The following PAX3 variants were observed in gnomAD, a reference collection of about 807,000 sequenced individuals.
PAX3 encodes the protein paired box 3.
A neutral mutation model predicts 51.6 loss-of-function variants in PAX3; 14 were observed. The observed-to-expected ratio is 0.27, with a 90% CI of 0.18 to 0.42. The LOEUF (loss-of-function observed/expected upper bound fraction) is 0.42, where lower values mean the gene tolerates loss of function less well. Among genes scored for constraint, PAX3 ranks in the 10% least tolerant of loss-of-function variants. The pLI is 1.00. For missense variants in PAX3, 540 were observed against 642.8 expected, an observed-to-expected ratio of 0.84 and a Z score of 1.73; for synonymous variants, 280 against 253.4, an observed-to-expected ratio of 1.11 and a Z score of -1.00.
intron 4 of PAX3, among the ~76,000 whole-genome samples, chr2:222,267,298 G>C (rs1468622492): frequency 6.6e-6 from 1 of 152,134 alleles, no homozygotes; most frequent in Non-Finnish European, 1.5e-5. Context: ...CAATTAAAAA[G>C]TACTCCATAT....
In PAX3 at chr2:222,212,026, G is replaced by A. The variant is rs564062871; in HGVS notation, c.1173+8114C>T. ...GCTTATAATCAAAGGCAGTGGGGGT[G>A]TGGATACACTATAATAGAATAGAGT... On this transcript the variant is annotated intron_variant, in intron 7 of 8. Transcript: ENST00000392070. 2.6e-5 allele frequency among the ~76,000 whole-genome samples: 4 copies of A among 152,244 alleles called. No individual in the cohort carries two copies. In the South Asian group the frequency reaches 8.3e-4, roughly 32 times the overall value.
At chr2:222,272,051 G>A (rs534996005) in intron 4 of PAX3, among the ~76,000 whole-genome samples, 6 of 152,258 alleles carry the variant, frequency 3.9e-5, no homozygotes, top group South Asian at 4.1e-4. Flanking sequence ...AAAGCTGATC[G>A]TGTTGCATGA....
chr2:222,238,181 C>CA (rs1266284461), intron 4 of PAX3, among the ~76,000 whole-genome samples: 2 of 152,146 alleles, frequency 1.3e-5, no homozygotes, highest in Non-Finnish European at 2.9e-5. Context: ...AGAGACAAAT[C>CA]AAACTGGGAG....
Position 222,244,734 on chromosome 2 carries a change from C to CAAAAAAAA in PAX3, c.587-12459_587-12452dup, listed in dbSNP as rs35127003. Among the ~76,000 whole-genome samples the CAAAAAAAA allele has an allele frequency of 1.0e-3, 110 of 109,684 alleles. 1 individual carries two copies. The highest frequency in any genetic ancestry group is 3.5e-3 in the African/African-American group (104 of 30,014). 72.0% of individuals were successfully genotyped at this position (109,684 alleles called of 152,430 possible). On this transcript the variant is annotated intron_variant, in intron 4 of 8. Transcript: ENST00000392070. ...CATAGTCAGACAGTATATTGTTCAC[C>CAAAAAAAA]AAAAAAAAAAAAAAAAAAAGATATT...
chr2:222,237,080 C>G (rs1276565990), intron 4 of PAX3, among the ~76,000 whole-genome samples: 1 of 152,106 alleles, frequency 6.6e-6, no homozygotes, highest in African/African-American at 2.4e-5. Context: ...ACCAATGACC[C>G]TAGAGCAACG....
intron 4 of PAX3, among the ~76,000 whole-genome samples, chr2:222,232,772 G>A (rs1321790854): frequency 6.6e-6 from 1 of 152,110 alleles, no homozygotes; most frequent in African/African-American, 2.4e-5. Flanking sequence ...TCTGTTAAAT[G>A]TGATTTTTAA....
chr2:222,263,192 A>G (rs1037662869), intron 4 of PAX3: 46 of 152,322 alleles, frequency 3.0e-4, no homozygotes, highest in African/African-American at 1.1e-3. Flanking sequence ...GATTGAGAGA[A>G]AATATTTGCA....
intron 5 of PAX3, among the ~76,000 whole-genome samples, 200 bp downstream of exon 5, chr2:222,231,877 GA>G (rs1692608772): frequency 1.3e-5 from 2 of 152,198 alleles, no homozygotes; most frequent in Admixed American, 6.5e-5. Context: ...TTAGTCACAT[GA>G]AGTGGTGGAC....
At chr2:222,237,359 C>CACACAG (rs1270655903) in intron 4 of PAX3, among the ~76,000 whole-genome samples, 1 of 148,228 alleles carries the variant, frequency 6.7e-6, no homozygotes, top group Non-Finnish European at 1.5e-5. Context: ...CACACACACA[C>CACACAG]AGTTCTTTTG....
chr2:222,274,388 T>C (rs954032814), intron 4 of PAX3, among the ~76,000 whole-genome samples: 3 of 152,000 alleles, frequency 2.0e-5, no homozygotes, highest in Non-Finnish European at 4.4e-5. Context: ...AATAATCATC[T>C]TCGTACTTTA....
intron 2 of PAX3, among the ~76,000 whole-genome samples, chr2:222,296,387 G>A (rs1695296477): frequency 6.6e-6 from 1 of 152,190 alleles, no homozygotes; most frequent in African/African-American, 2.4e-5. Context: ...CCTAGCTGGT[G>A]TGACTCTTTC....
chr2:222,253,825 A>AT (rs557106462), intron 4 of PAX3, among the ~76,000 whole-genome samples: 32 of 149,028 alleles, frequency 2.1e-4, no homozygotes, highest in South Asian at 2.1e-3. Context: ...CATCCCACTA[A>AT]TTTTTTTTTT....
intron 7 of PAX3, among the ~76,000 whole-genome samples, chr2:222,203,647 G>A (rs928360003): frequency 3.9e-4 from 59 of 152,174 alleles, no homozygotes; most frequent in East Asian, 1.2e-3. Context: ...CAGGTGAGGC[G>A]GGGGGCGGGT....
chr2:222,255,744 G>A (rs931946610), intron 4 of PAX3, among the ~76,000 whole-genome samples: 18 of 151,022 alleles, frequency 1.2e-4, no homozygotes, highest in Non-Finnish European at 2.1e-4. Flanking sequence ...TATTTCACAC[G>A]TCTGTAATAG....
At chr2:222,213,696 T>C (rs1559258253) in intron 7 of PAX3, among the ~76,000 whole-genome samples, 1 of 152,126 alleles carries the variant, frequency 6.6e-6, no homozygotes, top group Non-Finnish European at 1.5e-5. Flanking sequence ...TCCTGGAAAG[T>C]GTAAAGGGAA....
chr2:222,292,803 A>G (rs1695092359), intron 4 of PAX3, among the ~76,000 whole-genome samples: 1 of 152,202 alleles, frequency 6.6e-6, no homozygotes. Flanking sequence ...CCTCTGTCAT[A>G]AAGCAAAGGA....
At chr2:222,240,147 G>A (rs997199850) in intron 4 of PAX3, among the ~76,000 whole-genome samples, 1 of 152,166 alleles carries the variant, frequency 6.6e-6, no homozygotes, top group African/African-American at 2.4e-5. Flanking sequence ...TGGGAGGAGA[G>A]TACAGATTGG....
At chr2:222,280,370 A>C (rs1694599903) in intron 4 of PAX3, among the ~76,000 whole-genome samples, 1 of 142,866 alleles carries the variant, frequency 7.0e-6, no homozygotes, top group African/African-American at 2.6e-5. Context: ...AGAGAGAAAT[A>C]AAGGGGAAGG....
At chr2:222,263,299 G>A (rs970558937) in intron 4 of PAX3, 2 of 152,092 alleles carry the variant, frequency 1.3e-5, no homozygotes, top group African/African-American at 4.8e-5. Context: ...TTTTAAAAAT[G>A]AGCAAAAGAG....
Sources: gnomAD v4.1 joint callset for allele counts (sites outside exome capture counted in the v4.1 genomes callset) on GRCh38, gnomAD v4.1.1 for gene constraint, MANE v1.5 for transcripts, NCBI Gene and HGNC (gene_info 2026-07-23, HGNC 2026-07-21) for gene names.